NXPH1: variants seen among roughly 807,000 people sequenced by gnomAD.
The protein encoded by NXPH1 is neurexophilin-1.
Under a neutral mutation model 23.7 loss-of-function variants are expected in NXPH1, and 5 were observed. The ratio of observed to expected loss-of-function variants is 0.21; its 90% CI spans 0.11 to 0.44. The LOEUF (loss-of-function observed/expected upper bound fraction) is 0.44. Ranked by LOEUF, NXPH1 falls within the 20% of genes least tolerant of loss-of-function variation. NXPH1 has a pLI of 0.99. For synonymous variants in NXPH1, 144 were observed against 122.2 expected, an observed-to-expected ratio of 1.18 and a Z score of -1.18; for missense variants, 324 against 321.6, an observed-to-expected ratio of 1.01 and a Z score of -0.06.
At chr7:8,717,620 T>C (rs1056874212) in intron 2 of NXPH1, among the ~76,000 whole-genome samples, 2 of 152,194 alleles carry the variant, frequency 1.3e-5, no homozygotes, top group Non-Finnish European at 2.9e-5. Context: ...GCCTTCACTT[T>C]CTGGGCCACA....
chr7:8,613,982 T>G (rs1583193358), intron 2 of NXPH1, among the ~76,000 whole-genome samples: 1 of 151,902 alleles, frequency 6.6e-6, no homozygotes, highest in South Asian at 2.1e-4. Context: ...ATAACTGTTC[T>G]TATGGTTTTG....
intron 2 of NXPH1, among the ~76,000 whole-genome samples, chr7:8,661,691 T>G (rs2115162195): frequency 6.6e-6 from 1 of 152,266 alleles, no homozygotes; most frequent in African/African-American, 2.4e-5. Flanking sequence ...TTTGGTTCAA[T>G]TATATCCCAG....
rs563237589 is a variant in NXPH1, at chr7:8,667,321, G to A, written c.55-83687G>A. 2.0e-4 allele frequency among the ~76,000 whole-genome samples: 31 copies of A among 151,916 alleles called. 2 individuals are homozygous for A. The highest frequency in any genetic ancestry group is 7.0e-4 in the African/African-American group (29 of 41,470). ...TTAGTGTCCCATTTTTTTTCAGCTT[G>A]AAGAACTCCCTTTCACATTTCAGGT... On this transcript the variant is annotated intron_variant, in intron 2 of 2. Coordinates refer to ENST00000405863, the MANE Select transcript of NXPH1 (RefSeq NM_152745.3).
intron 2 of NXPH1, among the ~76,000 whole-genome samples, chr7:8,676,938 G>T (rs1171772478): frequency 6.6e-6 from 1 of 152,156 alleles, no homozygotes; most frequent in Non-Finnish European, 1.5e-5. Context: ...GGCTTATGCA[G>T]AAATGCTAAC....
intron 2 of NXPH1, among the ~76,000 whole-genome samples, chr7:8,637,254 G>A (rs1423311503): frequency 6.6e-6 from 1 of 151,130 alleles, no homozygotes; most frequent in Middle Eastern, 3.4e-3. Context: ...AGAGGGCCTG[G>A]CTTTTTAAAC....
intron 2 of NXPH1, among the ~76,000 whole-genome samples, chr7:8,742,361 G>A (rs559375910): frequency 3.9e-5 from 6 of 152,196 alleles, no homozygotes; most frequent in African/African-American, 1.4e-4. Flanking sequence ...TAGTAACTAT[G>A]TAACCTGGCT....
At chr7:8,680,306 G>T (rs1821031265) in intron 2 of NXPH1, among the ~76,000 whole-genome samples, 1 of 152,196 alleles carries the variant, frequency 6.6e-6, no homozygotes, top group Admixed American at 6.5e-5. Flanking sequence ...TGTTTCAGAT[G>T]GAAGGAACAG....
At chr7:8,638,328 C>T (rs1237382625) in intron 2 of NXPH1, among the ~76,000 whole-genome samples, 1 of 152,170 alleles carries the variant, frequency 6.6e-6, no homozygotes. Flanking sequence ...AGAGGGACCA[C>T]CAGCCCGTAG....
intron 2 of NXPH1, among the ~76,000 whole-genome samples, chr7:8,614,310 A>G (rs1371107017): frequency 1.3e-5 from 2 of 151,904 alleles, no homozygotes; most frequent in East Asian, 3.9e-4. Context: ...AAATGCAAAC[A>G]TTGTAAGAAT....
At position 8,506,086 on chromosome 7, in the gene NXPH1, G is replaced by C. The variant is rs181940270; in HGVS notation, c.54+70319G>C. Among the ~76,000 whole-genome samples the C allele has an allele frequency of 3.3e-5, 5 of 151,918 alleles. No individual in the cohort carries two copies. The East Asian group carries it at 9.7e-4, about 29-fold the overall frequency. ...CTGAGTTGAACTCCAAAATATCCTT[G>C]AGGAACTTAGAGAGATTTTTAAAAA... On this transcript the variant is annotated intron_variant, in intron 2 of 2. Transcript: ENST00000405863.
chr7:8,678,780 A>G (rs923283298), intron 2 of NXPH1, among the ~76,000 whole-genome samples: 1 of 151,918 alleles, frequency 6.6e-6, no homozygotes, highest in Non-Finnish European at 1.5e-5. Flanking sequence ...GGGAAAAAAA[A>G]AATAGTCCTC....
chr7:8,519,996 T>C (rs1393875819), intron 2 of NXPH1, among the ~76,000 whole-genome samples: 1 of 152,120 alleles, frequency 6.6e-6, no homozygotes, highest in Non-Finnish European at 1.5e-5. Flanking sequence ...TTTCACTATC[T>C]CCATCATAAT....
At chr7:8,749,293 A>G (rs1780525100) in intron 2 of NXPH1, among the ~76,000 whole-genome samples, 1 of 152,204 alleles carries the variant, frequency 6.6e-6, no homozygotes, top group African/African-American at 2.4e-5. Context: ...CCTACATTTT[A>G]CAGATTCAGG....
intron 2 of NXPH1, among the ~76,000 whole-genome samples, chr7:8,746,814 A>T (rs940999772): frequency 3.3e-5 from 5 of 151,750 alleles, no homozygotes; most frequent in African/African-American, 1.2e-4. Flanking sequence ...CTAAAACTTT[A>T]TGCTCATTTT....
chr7:8,728,711 C>T (rs560966678), intron 2 of NXPH1, among the ~76,000 whole-genome samples: 9 of 152,124 alleles, frequency 5.9e-5, no homozygotes, highest in African/African-American at 2.2e-4. Flanking sequence ...GGTGGATAAG[C>T]TTTTTGATGT....
intron 2 of NXPH1, among the ~76,000 whole-genome samples, chr7:8,719,772 G>A (rs1316827261): frequency 6.6e-6 from 1 of 152,022 alleles, no homozygotes; most frequent in African/African-American, 2.4e-5. Flanking sequence ...TTATGGAAAT[G>A]AAATACTTTT....
At chr7:8,535,352 A>T (rs1818011673) in intron 2 of NXPH1, among the ~76,000 whole-genome samples, 2 of 152,122 alleles carry the variant, frequency 1.3e-5, no homozygotes, top group African/African-American at 4.8e-5. Context: ...TTTTTTGAAA[A>T]GATTTGTTAA....
At chr7:8,696,323 A>G (rs556289771) in intron 2 of NXPH1, among the ~76,000 whole-genome samples, 7 of 152,310 alleles carry the variant, frequency 4.6e-5, no homozygotes, top group Non-Finnish European at 7.4e-5. Context: ...TCTAATGACT[A>G]TGGGGACATT....
intron 2 of NXPH1, among the ~76,000 whole-genome samples, chr7:8,693,312 C>T (rs1821252264): frequency 6.6e-6 from 1 of 152,184 alleles, no homozygotes; most frequent in Admixed American, 6.5e-5. Context: ...CATGTGTGTC[C>T]TTCTGTGCGT....
Sources: allele counts gnomAD v4.1 joint callset (sites outside exome capture counted in the v4.1 genomes callset), GRCh38; gene constraint gnomAD v4.1.1; transcripts MANE v1.5; gene names NCBI Gene and HGNC (gene_info 2026-07-23, HGNC 2026-07-21).